RNF17: variants seen among roughly 807,000 people sequenced by gnomAD.
RNF17 encodes the protein ring finger protein 17.
RNF17 carries 31 observed loss-of-function variants against 200.5 expected under a neutral mutation model. The ratio of observed to expected loss-of-function variants is 0.15; its 90% CI spans 0.12 to 0.21. RNF17 has a LOEUF of 0.21. RNF17 is among the 10% of genes least tolerant of loss of function. The pLI, the probability that RNF17 is intolerant of heterozygous loss-of-function variation, is 1.00. For synonymous variants in RNF17, 606 were observed against 637.8 expected (o/e 0.95, Z 0.75); for missense variants, 1,628 against 1,905.1 (o/e 0.85, Z 2.71).
the RNF17 span, among the ~76,000 whole-genome samples, chr13:24,757,189 A>G: frequency 2.0e-5 from 3 of 152,198 alleles, no homozygotes; most frequent in Non-Finnish European, 4.4e-5. Flanking sequence ...AAAGGAAGTA[A>G]AAGAGATACA....
intron 18 of RNF17, among the ~76,000 whole-genome samples, 165 bp downstream of exon 18, chr13:24,832,143 C>CTA (rs1238409486): frequency 6.6e-6 from 1 of 152,148 alleles, no homozygotes; most frequent in African/African-American, 2.4e-5. Flanking sequence ...TTTATGGACT[C>CTA]TAAAGTCATC....
At chr13:24,803,772 T>A (rs1377326729) in intron 14 of RNF17, 1 of 153,798 alleles carries the variant, frequency 6.5e-6, no homozygotes, top group Non-Finnish European at 1.4e-5. Flanking sequence ...ACACAAAAAA[T>A]AGAAGCAGCT....
intron 32 of RNF17, among the ~76,000 whole-genome samples, chr13:24,871,249 G>A (rs146465449): frequency 2.0e-5 from 3 of 152,160 alleles, no homozygotes; most frequent in East Asian, 3.9e-4. Flanking sequence ...TAGTTATTGC[G>A]GTATGTAATG....
intron 18 of RNF17, among the ~76,000 whole-genome samples, chr13:24,838,866 A>G (rs1054233306): frequency 1.5e-4 from 23 of 152,152 alleles, no homozygotes; most frequent in African/African-American, 5.3e-4. Flanking sequence ...CAAATCAGTA[A>G]AGAAAAAGTT....
At chr13:24,865,235 C>G (rs1893496258) in intron 29 of RNF17, among the ~76,000 whole-genome samples, 1 of 152,180 alleles carries the variant, frequency 6.6e-6, no homozygotes, top group African/African-American at 2.4e-5. Context: ...ACCTTCAAAC[C>G]TAGTGCGATG....
chr13:24,762,347 C>T (rs528562137), upstream of RNF17, among the ~76,000 whole-genome samples: 8 of 129,024 alleles, frequency 6.2e-5, no homozygotes, highest in South Asian at 2.0e-3. Context: ...CCAGCCTGGG[C>T]GACAGAGCAA....
chr13:24,840,784 G>A (rs1463900840), intron 18 of RNF17, among the ~76,000 whole-genome samples: 2 of 152,116 alleles, frequency 1.3e-5, no homozygotes, highest in African/African-American at 4.8e-5. Context: ...ATACGGTGCA[G>A]TATATACTGT....
At chr13:24,883,379 T>G (rs781097076), downstream of RNF17, 12 of 1,572,642 alleles carry the variant, frequency 7.6e-6, no homozygotes, top group Admixed American at 9.0e-5. Flanking sequence ...ACTGTAAAAT[T>G]TAAAAAAAAT....
intron 13 of RNF17, among the ~76,000 whole-genome samples, chr13:24,801,996 C>T (rs2137735673): frequency 6.6e-6 from 1 of 151,500 alleles, no homozygotes; most frequent in South Asian, 2.1e-4. Flanking sequence ...TTTCTTTCTT[C>T]TTTTTTTTGA....
intron 3 of RNF17, among the ~76,000 whole-genome samples, chr13:24,776,864 T>C (rs1415342268): frequency 6.6e-6 from 1 of 152,188 alleles, no homozygotes; most frequent in African/African-American, 2.4e-5. Flanking sequence ...TCTGTACTTG[T>C]GTGTGAAATT....
chr13:24,803,936 A>G, intron 14 of RNF17: 2 of 239,512 alleles, frequency 8.4e-6, no homozygotes, highest in Non-Finnish European at 1.6e-5. Flanking sequence ...GTACATGTAC[A>G]AGTCCTTCCT....
Position 24,853,917 on chromosome 13 carries a change from A to G in RNF17, c.3383A>G (p.Gln1128Arg). Residue 1128 changes from glutamine (Q) to arginine (R), a missense_variant, in exon 25 of 36, where the codon CAG (glutamine) becomes CGG (arginine). By Grantham distance (43) the Gln-to-Arg change is conservative. Around this residue, in one of 5 missense-constraint regions of RNF17, gnomAD observed 609 missense variants for 681.9 expected, o/e 0.89. Coordinates refer to ENST00000255324, the MANE Select transcript of RNF17 (RefSeq NM_031277.3). ...SEKSLEVPLE[Q>R]EDSVVTNCIK... is the part of the protein sequence containing the mutation. ...AAGTCTCTGGAAGTCCCCCTGGAAC[A>G]GGAAGATTCAGTAGTTACTAACTGT... 1 of 1,613,854 alleles carries G rather than the reference A, an allele frequency of 6.2e-7. No individual in the cohort carries two copies. Among genetic ancestry groups the G allele is most frequent in the Non-Finnish European group, 8.5e-7 (1 of 1,179,784 alleles).
At chr13:24,878,071 T>C (rs1374081329) in intron 34 of RNF17, among the ~76,000 whole-genome samples, 1 of 152,176 alleles carries the variant, frequency 6.6e-6, no homozygotes, top group Non-Finnish European at 1.5e-5. Context: ...TAGGAACATG[T>C]GATGTTCAGT....
chr13:24,782,884 G>A (rs1341349721), intron 6 of RNF17, among the ~76,000 whole-genome samples: 1 of 152,056 alleles, frequency 6.6e-6, no homozygotes, highest in African/African-American at 2.4e-5. Context: ...AATGTCCTTT[G>A]ATCCACAAAA....
At chr13:24,884,689 C>G (rs565507581), downstream of RNF17, among the ~76,000 whole-genome samples, 1 of 152,250 alleles carries the variant, frequency 6.6e-6, no homozygotes, top group African/African-American at 2.4e-5. Context: ...CTTCCCTTAT[C>G]AACAATTTGT....
chr13:24,844,872 T>TA lies in RNF17; in HGVS notation c.2982+74dup, dbSNP rs777343732. On this transcript the variant is annotated intron_variant, in intron 21 of 35. Transcript: ENST00000255324. ...CATTTTGTATTTTTTTCCCTGGAGT[T>TA]AAAACAGTTTTCATTGAGTTTTTCA... The TA allele has an allele frequency of 3.7e-4, 583 of 1,566,016 alleles. 6 individuals carry two copies. Among genetic ancestry groups the TA allele is most frequent in the Admixed American group, 1.9e-4 (11 of 56,566 alleles).
chr13:24,853,795 G>C, intron 24 of RNF17, 60 bp from the exon 25 acceptor site: 1 of 1,299,506 alleles, frequency 7.7e-7, no homozygotes, highest in Non-Finnish European at 1.0e-6. Flanking sequence ...TTTTTATGTT[G>C]TTTTACCCAG....
At chr13:24,852,465 G>A (rs1413757381) in intron 24 of RNF17, among the ~76,000 whole-genome samples, 1 of 152,082 alleles carries the variant, frequency 6.6e-6, no homozygotes, top group East Asian at 1.9e-4. Context: ...TAGAGATTTA[G>A]AGGTATGTTG....
chr13:24,863,672 C>T (rs972845612), intron 28 of RNF17, among the ~76,000 whole-genome samples: 2 of 152,112 alleles, frequency 1.3e-5, no homozygotes, highest in African/African-American at 2.4e-5. Flanking sequence ...ACTAAGAGTC[C>T]CTCCCTAGTT....
Sources: allele counts gnomAD v4.1 joint callset (sites outside exome capture counted in the v4.1 genomes callset), GRCh38; gene constraint gnomAD v4.1.1; regional missense constraint gnomAD v4.1.1; transcripts MANE v1.5; gene names NCBI Gene and HGNC (gene_info 2026-07-23, HGNC 2026-07-21).